The following THADA variants were observed in gnomAD, a reference collection of about 807,000 sequenced individuals.
THADA encodes the protein THADA armadillo repeat containing, also known as tRNA (32-2'-O)-methyltransferase regulator THADA.
A neutral mutation model predicts 219.8 loss-of-function variants in THADA; 213 were observed. The observed-to-expected ratio is 0.97, with a 90% CI of 0.87 to 1.09. The LOEUF (loss-of-function observed/expected upper bound fraction) is 1.09. Among genes scored for constraint, THADA ranks in the 50% least tolerant of loss-of-function variants. The probability of loss-of-function intolerance (pLI) is 0.00; values close to 1 mark genes in which losing one functional copy is unlikely to be tolerated. For missense variants in THADA, 2,956 were observed against 2,311.3 expected (o/e 1.28, Z -5.72); for synonymous variants, 1,018 against 828.9 (o/e 1.23, Z -3.92).
intron 30 of THADA, chr2:43,343,462 C>T (rs962626468): frequency 2.6e-5 from 4 of 152,222 alleles, no homozygotes; most frequent in Admixed American, 2.6e-4. Flanking sequence ...TTGCAGTTAA[C>T]ACTATCCTAC....
intron 26 of THADA, among the ~76,000 whole-genome samples, chr2:43,451,224 T>C (rs1185747177): frequency 1.3e-5 from 2 of 152,264 alleles, no homozygotes; most frequent in South Asian, 2.1e-4. Flanking sequence ...CTCTTATCCT[T>C]AGGCAAGCAC....
intron 22 of THADA, among the ~76,000 whole-genome samples, chr2:43,509,804 T>TA (rs1690162492): frequency 6.6e-6 from 1 of 152,152 alleles, no homozygotes; most frequent in African/African-American, 2.4e-5. Flanking sequence ...GACATGGGCC[T>TA]AAAAATATTA....
chr2:43,562,207 C>G (rs1254581836), intron 15 of THADA: 1 of 151,798 alleles, frequency 6.6e-6, no homozygotes, highest in African/African-American at 2.4e-5. Flanking sequence ...TTGGTTTTTT[C>G]TTTCCTTTTC....
chr2:43,295,211 C>G (rs1487226630), intron 31 of THADA, among the ~76,000 whole-genome samples: 1 of 152,256 alleles, frequency 6.6e-6, no homozygotes, highest in Non-Finnish European at 1.5e-5. Context: ...GACCCTATCT[C>G]AAAAACGCAT....
At chr2:43,491,492 A>G (rs776576142) in intron 25 of THADA, among the ~76,000 whole-genome samples, 15 of 152,216 alleles carry the variant, frequency 9.9e-5, no homozygotes, top group African/African-American at 2.2e-4. Context: ...GTGGTCAACA[A>G]TGGACCACAT....
At chr2:43,303,552 T>C (rs2104413358) in intron 31 of THADA, among the ~76,000 whole-genome samples, 1 of 150,252 alleles carries the variant, frequency 6.7e-6, no homozygotes, top group South Asian at 2.1e-4. Context: ...GAGCTACTCA[T>C]ATAGGTTTGT....
intron 36 of THADA, among the ~76,000 whole-genome samples, chr2:43,251,328 T>C (rs1003595151): frequency 2.0e-5 from 3 of 152,220 alleles, no homozygotes; most frequent in African/African-American, 7.2e-5. Flanking sequence ...TTGTGCTTTT[T>C]CATGAAGGCT....
At position 43,505,656 on chromosome 2, in the gene THADA, C is replaced by A. The variant is rs1689579419; in HGVS notation, c.3587G>T (p.Gly1196Val). ...TGTACTCTGTATGTCATCTGTAGGC[C>A]CAGCCAAAGAGATTAACTCTTTCAT... ...ITMKELISLA[G>V]PTDDIQSTVP... Residue 1196 changes from glycine (G) to valine (V), a missense_variant, in exon 24 of 38, where the codon GGG (glycine) becomes GTG (valine). By Grantham distance (109) the Gly-to-Val change is moderately radical. Coordinates refer to ENST00000405975, the MANE Select transcript of THADA (RefSeq NM_022065.5). The A allele has an allele frequency of 1.3e-6, 2 of 1,597,278 alleles. No individual in the cohort carries two copies. Among genetic ancestry groups the A allele is most frequent in the East Asian group, 2.2e-5 (1 of 44,740 alleles).
chr2:43,298,002 G>C (rs1205733479), intron 31 of THADA, among the ~76,000 whole-genome samples: 2 of 112,502 alleles, frequency 1.8e-5, no homozygotes, highest in South Asian at 5.8e-4. Flanking sequence ...GGGAGTGTGG[G>C]GGGGGTCAGC....
At chr2:43,590,303 A>T (rs533106894) in intron 4 of THADA, among the ~76,000 whole-genome samples, 1 of 152,342 alleles carries the variant, frequency 6.6e-6, no homozygotes, top group Non-Finnish European at 1.5e-5. Flanking sequence ...ATGTAAATGG[A>T]TTGAGGCAGG....
At chr2:43,478,931 T>C (rs1227824583) in intron 26 of THADA, among the ~76,000 whole-genome samples, 4 of 152,188 alleles carry the variant, frequency 2.6e-5, no homozygotes, top group Non-Finnish European at 5.9e-5. Flanking sequence ...ATTCTGACTT[T>C]AGGAACATCT....
chr2:43,418,232 G>T (rs899141176), intron 28 of THADA, among the ~76,000 whole-genome samples: 1 of 152,124 alleles, frequency 6.6e-6, no homozygotes, highest in African/African-American at 2.4e-5. Context: ...CTGGGCCTTG[G>T]CTTTTCACCT....
intron 26 of THADA, among the ~76,000 whole-genome samples, chr2:43,473,839 C>T (rs929247074): frequency 1.3e-5 from 2 of 152,130 alleles, no homozygotes; most frequent in African/African-American, 2.4e-5. Context: ...AGACTCCTGA[C>T]CTCAGGTGAT....
intron 36 of THADA, among the ~76,000 whole-genome samples, chr2:43,242,178 T>C (rs907616610): frequency 1.3e-5 from 2 of 152,240 alleles, no homozygotes; most frequent in Admixed American, 1.3e-4. Context: ...GGCTGAACCC[T>C]GTGTCTTTCC....
At chr2:43,460,238 T>A (rs1018850237) in intron 26 of THADA, among the ~76,000 whole-genome samples, 3,875 of 62,898 alleles carry the variant, frequency 0.062, no homozygotes, top group East Asian at 0.092. Flanking sequence ...TTTCTCTTAA[T>A]AAAAAAAAAA....
chr2:43,307,290 G>A (rs1009596383), intron 31 of THADA, among the ~76,000 whole-genome samples: 2 of 152,224 alleles, frequency 1.3e-5, no homozygotes, highest in African/African-American at 4.8e-5. Flanking sequence ...AGATATCAGA[G>A]TTTGGGAAGA....
intron 26 of THADA, among the ~76,000 whole-genome samples, chr2:43,446,791 G>C (rs1681621732): frequency 6.6e-6 from 1 of 152,174 alleles, no homozygotes; most frequent in Non-Finnish European, 1.5e-5. Context: ...CTGATAACAA[G>C]GAGCACACGA....
At chr2:43,338,827 C>G (rs1272174512) in intron 30 of THADA, among the ~76,000 whole-genome samples, 1 of 152,090 alleles carries the variant, frequency 6.6e-6, no homozygotes, top group East Asian at 1.9e-4. Flanking sequence ...ATGGAAACCT[C>G]TTTGAGACCC....
intron 29 of THADA, among the ~76,000 whole-genome samples, chr2:43,368,534 C>A (rs1670431540): frequency 6.6e-6 from 1 of 151,872 alleles, no homozygotes; most frequent in Admixed American, 6.6e-5. Flanking sequence ...GTAGCTGGAA[C>A]TGCAGGTGTG....
Sources: gnomAD v4.1 joint callset for allele counts (sites outside exome capture counted in the v4.1 genomes callset) on GRCh38, gnomAD v4.1.1 for gene constraint, MANE v1.5 for transcripts, NCBI Gene and HGNC (gene_info 2026-07-23, HGNC 2026-07-21) for gene names.